The following NOTCH3 variants were observed in gnomAD, a reference collection of about 807,000 sequenced individuals.
NOTCH3 encodes notch receptor 3.
In NOTCH3, 86 loss-of-function variants were observed where a neutral mutation model predicts 213.3. That is an observed-to-expected ratio of 0.40 (90% CI 0.34 to 0.48). The LOEUF (loss-of-function observed/expected upper bound fraction) is 0.48. Among genes scored for constraint, NOTCH3 ranks in the 20% least tolerant of loss-of-function variants. The pLI, the probability that NOTCH3 is intolerant of heterozygous loss-of-function variation, is 0.57. For synonymous variants in NOTCH3, 1,354 were observed against 1,355.9 expected, an observed-to-expected ratio of 1.00 and a Z score of 0.03; for missense variants, 2,783 against 3,272.6, an observed-to-expected ratio of 0.85 and a Z score of 3.65.
chr19:15,181,780 G>A lies in NOTCH3; in HGVS notation c.2588C>T (p.Ser863Leu), dbSNP rs758913191. The A allele has an allele frequency of 1.1e-5, 17 of 1,562,388 alleles. No individual in the cohort carries two copies. The highest frequency in any genetic ancestry group is 4.1e-5 in the African/African-American group (3 of 73,694). Residue 863 changes from serine to leucine, a missense_variant, in exon 17 of 33, where the codon TCG becomes TTG. This residue lies in a region of NOTCH3 where 861 missense variants were observed against 909.1 expected (regional missense o/e 0.95). Coordinates refer to ENST00000263388, the MANE Select transcript of NOTCH3 (RefSeq NM_000435.3). ...AAAGGAGCCCACGCCGTCTTGGCACGAGCCACCGTTCAGGCATGGGTCTGC... is the reference window on the plus strand; with the variant it reads ...AAAGGAGCCCACGCCGTCTTGGCACAAGCCACCGTTCAGGCATGGGTCTGC... ...CDPNPCLNGG[S>L]CQDGVGSFSC... is the part of the protein sequence containing the mutation.
At position 15,192,135 on chromosome 19, in the gene NOTCH3, G is replaced by A. The variant is rs2145441896; in HGVS notation, c.504C>T (p.Cys168=). The A allele has an allele frequency of 1.2e-6, 2 of 1,612,996 alleles. No individual in the cohort carries two copies. The highest frequency in any genetic ancestry group is 1.1e-5 in the South Asian group (1 of 91,086). ...DVDECRVGEP[C]RHGGTCLNTP... The stretch of plus-strand genomic sequence containing the variant: ...TGTTGAGGCAGGTGCCACCATGGCG[G>A]CAGGGCTCACCCACCCGGCACTCAT... The change falls in exon 4 of 33, where the codon TGC becomes TGT. Residue 168 remains cysteine, a synonymous_variant. Coordinates refer to ENST00000263388, the MANE Select transcript of NOTCH3 (RefSeq NM_000435.3).
intron 16 of NOTCH3, among the ~76,000 whole-genome samples, chr19:15,183,131 G>A (rs1261395309): frequency 1.3e-5 from 2 of 152,016 alleles, no homozygotes; most frequent in Non-Finnish European, 2.9e-5. Context: ...GTGAGTGCCT[G>A]TAATCCTAGC....
At chr19:15,186,287 AGGAT>A (rs896641520) in intron 12 of NOTCH3, among the ~76,000 whole-genome samples, 3 of 151,998 alleles carry the variant, frequency 2.0e-5, no homozygotes, top group African/African-American at 7.2e-5. Flanking sequence ...ATTTCCACTA[AGGAT>A]TAGTTTAGAC....
Position 15,184,976 on chromosome 19 carries a change from A to G in NOTCH3, c.2340T>C (p.Cys780=), listed in dbSNP as rs1484691089. The G allele has an allele frequency of 6.5e-7, 1 of 1,545,410 alleles. No individual in the cohort carries two copies. Among genetic ancestry groups the G allele is most frequent in the South Asian group, 1.2e-5 (1 of 83,376 alleles). ...CAGACTCGCAGCGGCCCCCATGCTC[A>G]CAGGGGTTCGGGGTGCAGGGGGAGA... ...ELLSPCTPNP[C]EHGGRCESAP... The change falls in exon 15 of 33, where the codon TGT becomes TGC. Residue 780 remains cysteine, a synonymous_variant. Coordinates refer to ENST00000263388, the MANE Select transcript of NOTCH3 (RefSeq NM_000435.3).
At position 15,185,615 on chromosome 19, in the gene NOTCH3, A is replaced by G. The variant is rs2046875392; in HGVS notation, c.2016T>C (p.Cys672=). 2 of 1,613,628 alleles carry G rather than the reference A, an allele frequency of 1.2e-6. No individual in the cohort carries two copies. The highest frequency in any genetic ancestry group is 2.2e-5 in the South Asian group (2 of 91,076). Residue 672 remains cysteine, a synonymous_variant, in exon 13 of 33, where the codon TGT becomes TGC. Coordinates refer to ENST00000263388, the MANE Select transcript of NOTCH3 (RefSeq NM_000435.3). The surrounding 1 kb of genome is among the most constrained non-coding windows in gnomAD (Gnocchi z 4.2). ...ASSPCGEGGS[C]VDGENGFRCL... is the part of the protein sequence containing the mutation. ...AGCGGAAGCCATTTTCCCCATCCACACAGGAACCTCCCTCGCCGCATGGGC... is the reference window on the plus strand; with the variant it reads ...AGCGGAAGCCATTTTCCCCATCCACGCAGGAACCTCCCTCGCCGCATGGGC...
In NOTCH3 at chr19:15,200,060, G is replaced by GA. The variant is rs777956954; in HGVS notation, c.118+727_118+728insT. On this transcript the variant is annotated intron_variant, in intron 1 of 32. Transcript: ENST00000263388. Reference sequence around the variant, plus strand: ...AGGGAGGAGAGGAGGAGGGGCGGGGGCCCCTGGCCGGCTGGGGAGGGGCTC... The same window carrying GA: ...AGGGAGGAGAGGAGGAGGGGCGGGGGACCCCTGGCCGGCTGGGGAGGGGCTC... Among the ~76,000 whole-genome samples, 890 of 150,660 alleles carry GA rather than the reference G, an allele frequency of 5.9e-3. 6 individuals are homozygous for GA. The highest frequency in any genetic ancestry group is 0.046 in the Middle Eastern group (13 of 282).
At chr19:15,164,046 C>T (rs150573613) in intron 31 of NOTCH3, among the ~76,000 whole-genome samples, 207 of 152,162 alleles carry the variant, frequency 1.4e-3, no homozygotes, top group African/African-American at 4.8e-3. Flanking sequence ...CAGGGCTGGA[C>T]AGATGAGGGG....
At chr19:15,188,748 G>A (rs1403949093) in intron 8 of NOTCH3, among the ~76,000 whole-genome samples, 2 of 151,880 alleles carry the variant, frequency 1.3e-5, no homozygotes, top group African/African-American at 4.8e-5. Flanking sequence ...CCCTTCCCGA[G>A]TGGGTCCTAA....
intron 28 of NOTCH3, among the ~76,000 whole-genome samples, chr19:15,169,186 G>GTCTCTGTCTCTC (rs1555726050): frequency 1.4e-5 from 2 of 146,656 alleles, no homozygotes; most frequent in Admixed American, 1.4e-4. Flanking sequence ...TGTCAAATCT[G>GTCTCTGTCTCTC]TCTCTCTCTC....
chr19:15,170,297 G>C, intron 27 of NOTCH3, 34 bp downstream of exon 27: 2 of 1,591,322 alleles, frequency 1.3e-6, no homozygotes, highest in Non-Finnish European at 1.7e-6. Context: ...CAAGGTCCCC[G>C]TAGTCAGGGA....
Position 15,161,701 on chromosome 19 carries a change from AG to A in NOTCH3, c.5926del (p.Leu1976TyrfsTer36), listed in dbSNP as rs1555725170. The A allele has an allele frequency of 1.2e-6, 2 of 1,613,602 alleles. No individual in the cohort carries two copies. The highest frequency in any genetic ancestry group is 1.7e-6 in the Non-Finnish European group (2 of 1,179,822). ...GCTGCCCTCGCGGGCGGCCAGGAAT[AG>A]GGGGGTCTCCTCCTGGGGGGCCAGA... is the stretch of plus-strand genomic sequence containing the variant. ...DMQDSKEETP[L>X]FLAAREGSYE... On this transcript the variant is annotated frameshift_variant, in exon 33 of 33. Coordinates refer to ENST00000263388, the MANE Select transcript of NOTCH3 (RefSeq NM_000435.3). LOFTEE classifies it low-confidence loss of function (END_TRUNC).
In NOTCH3 at chr19:15,165,104, C is replaced by G. The variant is rs772200374; in HGVS notation, c.5815+264G>C. Among the ~76,000 whole-genome samples the G allele has an allele frequency of 1.3e-5, 2 of 152,116 alleles. No individual in the cohort carries two copies. The highest frequency in any genetic ancestry group is 2.9e-5 in the Non-Finnish European group (2 of 68,024). Reference sequence around the variant, plus strand: ...ATGTGTACGTTTATTATAATAACTTCCAGCAGGTGGAAGTACAGTGTGTCC... The same window carrying G: ...ATGTGTACGTTTATTATAATAACTTGCAGCAGGTGGAAGTACAGTGTGTCC... On this transcript the variant is annotated intron_variant, in intron 31 of 32. Coordinates refer to ENST00000263388, the MANE Select transcript of NOTCH3 (RefSeq NM_000435.3). The surrounding 1 kb of genome is among the most constrained non-coding windows in gnomAD (Gnocchi z 4.7).
At position 15,179,084 on chromosome 19, in the gene NOTCH3, C is replaced by G. The variant is rs370233852; in HGVS notation, c.3659G>C (p.Arg1220Pro). 3 of 1,614,176 alleles carry G rather than the reference C, an allele frequency of 1.9e-6. No individual in the cohort carries two copies. In the South Asian group the frequency reaches 3.3e-5, roughly 18 times the overall value. ...TCCGCCTGGGTCCTGCAGGCAGTCC[C>G]GGGTGTGTGCCGCGTGGCAGGCACC... ...RSGACHAAHTRDCLQDPGGGF... is the reference protein window; with the variant it reads ...RSGACHAAHTPDCLQDPGGGF... The change falls in exon 22 of 33, where the codon CGG becomes CCG. Residue 1220 changes from arginine to proline, a missense_variant. Around this residue, in one of 6 missense-constraint regions of NOTCH3, gnomAD observed 861 missense variants for 909.1 expected, o/e 0.95. Transcript: ENST00000263388.
At position 15,179,145 on chromosome 19, in the gene NOTCH3, A is replaced by C. The variant is rs1157820663; in HGVS notation, c.3598T>G (p.Leu1200Val). The change falls in exon 22 of 33, where the codon TTG (leucine) becomes GTG (valine). Residue 1200 changes from leucine to valine, a missense_variant. By Grantham distance (32) the Leu-to-Val change is conservative (BLOSUM62 1). Coordinates refer to ENST00000263388, the MANE Select transcript of NOTCH3 (RefSeq NM_000435.3). ...RCTCPPGYTG[L>V]RCEADINECR... ...TCATTGATGTCTGCCTCGCAGCGCA[A>C]ACCAGTGTATCCTGGGGGACAGGTG... The C allele has an allele frequency of 6.2e-7, 1 of 1,614,062 alleles. No homozygotes were observed. The highest frequency in any genetic ancestry group is 8.5e-7 in the Non-Finnish European group (1 of 1,180,030).
At chr19:15,170,641 CG>C in intron 26 of NOTCH3, 29 bp downstream of exon 26, 2 of 1,545,826 alleles carry the variant, frequency 1.3e-6, no homozygotes, top group Non-Finnish European at 1.7e-6. Flanking sequence ...GCTCCGCCCC[CG>C]CCACCCCCTC....
chr19:15,195,278 G>A (rs140951459), intron 2 of NOTCH3, among the ~76,000 whole-genome samples: 1 of 152,146 alleles, frequency 6.6e-6, no homozygotes, highest in African/African-American at 2.4e-5. Flanking sequence ...CCTCATCTTG[G>A]GGGGGTGGTC....
chr19:15,174,661 C>T (rs1484093126), intron 24 of NOTCH3, among the ~76,000 whole-genome samples: 1 of 152,004 alleles, frequency 6.6e-6, no homozygotes, highest in Admixed American at 6.6e-5. Flanking sequence ...GCAGCCTCCA[C>T]CTCCCCGGTT....
intron 1 of NOTCH3, among the ~76,000 whole-genome samples, chr19:15,198,089 C>T (rs1053093031): frequency 1.2e-4 from 18 of 152,278 alleles, no homozygotes; most frequent in African/African-American, 3.9e-4. Context: ...CATGTACCCA[C>T]GAGTGAGCAC....
Position 15,179,038 on chromosome 19 carries a change from A to G in NOTCH3, c.3705T>C (p.His1235=), listed in dbSNP as rs1297125233. The change falls in exon 22 of 33, where the codon CAT becomes CAC. Residue 1235 remains histidine (H), a synonymous_variant. Coordinates refer to ENST00000263388, the MANE Select transcript of NOTCH3 (RefSeq NM_000435.3). ...GCCAACGCTTACCTGAGAAGCCAGCATGACAAAGGCAACGGAAACCTCCGC... is the reference window on the plus strand; with the variant it reads ...GCCAACGCTTACCTGAGAAGCCAGCGTGACAAAGGCAACGGAAACCTCCGC... The part of the protein sequence containing the change: ...DPGGGFRCLC[H]AGFSGPRCQT... The G allele has an allele frequency of 6.2e-7, 1 of 1,614,230 alleles. No homozygotes were observed. Among genetic ancestry groups the G allele is most frequent in the Non-Finnish European group, 8.5e-7 (1 of 1,180,042 alleles).
Sources: gnomAD v4.1 joint callset for allele counts (sites outside exome capture counted in the v4.1 genomes callset) on GRCh38, gnomAD v4.1.1 for gene constraint, gnomAD v4.1.1 regional missense constraint, Gnocchi (gnomAD v3.1) non-coding constraint, MANE v1.5 for transcripts, NCBI Gene and HGNC (gene_info 2026-07-23, HGNC 2026-07-21) for gene names.